The following LHFPL3 variants were observed in gnomAD, a reference collection of about 807,000 sequenced individuals.
The protein encoded by LHFPL3 is LHFPL tetraspan subfamily member 3 protein.
Under a neutral mutation model 19.3 loss-of-function variants are expected in LHFPL3, and 5 were observed. The ratio of observed to expected loss-of-function variants is 0.26; its 90% CI spans 0.14 to 0.54. The LOEUF is 0.54. Ranked by LOEUF, LHFPL3 falls within the 20% of genes least tolerant of loss-of-function variation. The probability of loss-of-function intolerance (pLI) is 0.94; values close to 1 mark genes in which losing one functional copy is unlikely to be tolerated. For synonymous variants in LHFPL3, 133 were observed against 126.2 expected (o/e 1.05, Z -0.36); for missense variants, 249 against 307.4 (o/e 0.81, Z 1.42).
chr7:104,376,970 A>G (rs1790728327), intron 1 of LHFPL3, among the ~76,000 whole-genome samples: 1 of 152,198 alleles, frequency 6.6e-6, no homozygotes, highest in Admixed American at 6.5e-5. Context: ...CATGATTTAC[A>G]ATGAAGCTCA....
chr7:104,866,161 C>T (rs1376691275), intron 2 of LHFPL3, among the ~76,000 whole-genome samples: 2 of 152,108 alleles, frequency 1.3e-5, no homozygotes, highest in Non-Finnish European at 2.9e-5. Flanking sequence ...GAAGAAACTG[C>T]GTCAACTAAC....
In LHFPL3 at chr7:104,669,608, C is replaced by T. The variant is rs1403667564; in HGVS notation, c.446-67067C>T. ...ACATCCTGTGCTTTTCTCCTAGTTT[C>T]TCTCCACCCTGGAACATTCGAGAGC... On this transcript the variant is annotated intron_variant, in intron 1 of 2. Coordinates refer to ENST00000424859, the MANE Select transcript of LHFPL3 (RefSeq NM_199000.3). 6 of 1,595,112 alleles carry T rather than the reference C, an allele frequency of 3.8e-6. No individual in the cohort carries two copies. The South Asian group carries it at 5.5e-5, about 15-fold the overall frequency.
At chr7:104,826,150 C>A (rs1262327368) in intron 2 of LHFPL3, among the ~76,000 whole-genome samples, 1 of 151,908 alleles carries the variant, frequency 6.6e-6, no homozygotes, top group Non-Finnish European at 1.5e-5. Context: ...GCTTTATCAC[C>A]AAGGCTGCTG....
At chr7:104,631,879 C>T (rs1791647971) in intron 1 of LHFPL3, among the ~76,000 whole-genome samples, 1 of 152,174 alleles carries the variant, frequency 6.6e-6, no homozygotes, top group Non-Finnish European at 1.5e-5. Context: ...AACTTATTAG[C>T]ATCCTTGAGG....
chr7:104,688,276 C>A (rs10464616), intron 1 of LHFPL3, among the ~76,000 whole-genome samples: 5 of 151,956 alleles, frequency 3.3e-5, no homozygotes, highest in African/African-American at 1.2e-4. Context: ...AGCACATACC[C>A]AGCCTCCAGT....
intron 2 of LHFPL3, chr7:104,798,350 A>C (rs1192024047): frequency 6.6e-6 from 1 of 152,262 alleles, no homozygotes; most frequent in Non-Finnish European, 1.5e-5. Flanking sequence ...GATCAAAAAA[A>C]TCTGAATTCA....
intron 1 of LHFPL3, among the ~76,000 whole-genome samples, chr7:104,599,442 G>T (rs559925010): frequency 6.6e-6 from 1 of 152,296 alleles, no homozygotes; most frequent in East Asian, 1.9e-4. Flanking sequence ...AAACAGTGAT[G>T]TCAAATGGTC....
chr7:104,824,681 A>G (rs1351743806), intron 2 of LHFPL3, among the ~76,000 whole-genome samples: 1 of 96,600 alleles, frequency 1.0e-5, no homozygotes, highest in African/African-American at 4.3e-5. Flanking sequence ...TTGGCATTAT[A>G]TATAATATAT....
Position 104,907,299 on chromosome 7 carries a change from A to G in LHFPL3, c.*1084A>G, listed in dbSNP as rs1166117382. On this transcript the variant is annotated 3_prime_UTR_variant, in exon 3 of 3. Transcript: ENST00000424859. ...AATAATAGTAAGTGGTACTAACAAA[A>G]TAAATAATAATTTAATAGCCTTAGA... 6.6e-6 allele frequency: 1 copy of G among 152,424 alleles called. No individual in the cohort carries two copies. The highest frequency in any genetic ancestry group is 1.5e-5 in the Non-Finnish European group (1 of 67,994). 9.4% of individuals were successfully genotyped at this position (152,424 alleles called of 1,614,324 possible). A position where few individuals can be genotyped will look rare whatever the true frequency, so the allele number is the denominator to read the frequency against.
intron 1 of LHFPL3, among the ~76,000 whole-genome samples, chr7:104,722,026 A>T (rs1363511837): frequency 6.6e-6 from 1 of 152,156 alleles, no homozygotes; most frequent in Admixed American, 6.6e-5. Flanking sequence ...CAAGTTCTAA[A>T]TTCTGATTTT....
At chr7:104,414,400 A>G (rs1261276376) in intron 1 of LHFPL3, among the ~76,000 whole-genome samples, 1 of 152,188 alleles carries the variant, frequency 6.6e-6, no homozygotes, top group East Asian at 1.9e-4. Context: ...TAGAAGGACA[A>G]CATCGTTAGG....
intron 1 of LHFPL3, among the ~76,000 whole-genome samples, chr7:104,365,787 C>CAAAAAA (rs571171040): frequency 1.8e-4 from 9 of 49,962 alleles, no homozygotes; most frequent in African/African-American, 6.6e-4. Context: ...GACTCCGTCT[C>CAAAAAA]AAAAAAAAAA....
intron 1 of LHFPL3, among the ~76,000 whole-genome samples, chr7:104,486,135 T>C (rs1793232469): frequency 6.6e-6 from 1 of 152,228 alleles, no homozygotes; most frequent in Non-Finnish European, 1.5e-5. Flanking sequence ...AAAGATTTCC[T>C]ACTGCTTTTA....
At chr7:104,787,156 A>G (rs557314381) in intron 2 of LHFPL3, among the ~76,000 whole-genome samples, 1 of 152,230 alleles carries the variant, frequency 6.6e-6, no homozygotes, top group Non-Finnish European at 1.5e-5. Context: ...CAGCATCATT[A>G]CTGAAGCCCC....
At chr7:104,416,814 A>G (rs1320804444) in intron 1 of LHFPL3, among the ~76,000 whole-genome samples, 1 of 152,228 alleles carries the variant, frequency 6.6e-6, no homozygotes, top group Non-Finnish European at 1.5e-5. Flanking sequence ...TTTGGCTCAC[A>G]GTTCTGGAGG....
At chr7:104,503,107 T>TA (rs56814480) in intron 1 of LHFPL3, among the ~76,000 whole-genome samples, 30,113 of 147,748 alleles carry the variant, frequency 0.2, 4,113 homozygotes, top group African/African-American at 0.39. Context: ...CATGTTTTGT[T>TA]AAAAAAAAAA....
At chr7:104,649,405 C>G (rs1163583258) in intron 1 of LHFPL3, among the ~76,000 whole-genome samples, 1 of 152,166 alleles carries the variant, frequency 6.6e-6, no homozygotes, top group Non-Finnish European at 1.5e-5. Flanking sequence ...CACACAATAA[C>G]AGAGTGGGGG....
At chr7:104,615,247 G>A (rs527253990) in intron 1 of LHFPL3, among the ~76,000 whole-genome samples, 1 of 152,220 alleles carries the variant, frequency 6.6e-6, no homozygotes, top group African/African-American at 2.4e-5. Context: ...TAGAGAAACT[G>A]AGTGGCATGT....
At chr7:104,693,197 T>G (rs561610306) in intron 1 of LHFPL3, among the ~76,000 whole-genome samples, 1 of 152,348 alleles carries the variant, frequency 6.6e-6, no homozygotes, top group South Asian at 2.1e-4. Context: ...ATCCAATGCC[T>G]GTACCCCCAT....
Sources: allele counts gnomAD v4.1 joint callset (sites outside exome capture counted in the v4.1 genomes callset), GRCh38; gene constraint gnomAD v4.1.1; transcripts MANE v1.5; gene names NCBI Gene and HGNC (gene_info 2026-07-23, HGNC 2026-07-21).